The following TENT2 variants were observed in gnomAD, a reference collection of about 807,000 sequenced individuals.
The protein encoded by TENT2 is poly(A) RNA polymerase GLD2.
In TENT2, 44 loss-of-function variants were observed where a neutral mutation model predicts 72.2. The ratio of observed to expected loss-of-function variants is 0.61; its 90% CI spans 0.48 to 0.78. The LOEUF (loss-of-function observed/expected upper bound fraction) is 0.78, where lower values mean the gene tolerates loss of function less well. TENT2 is among the 30% of genes least tolerant of loss of function. The pLI is 0.00. For missense variants in TENT2, 541 were observed against 569.6 expected, an observed-to-expected ratio of 0.95 and a Z score of 0.51; for synonymous variants, 212 against 192.5, an observed-to-expected ratio of 1.10 and a Z score of -0.84.
chr5:79,645,129 A>G lies in TENT2; in HGVS notation c.758A>G (p.Tyr253Cys), dbSNP rs1026600347. The change falls in exon 8 of 15, where the codon TAC becomes TGC. Residue 253 changes from tyrosine (Y) to cysteine (C), a missense_variant. Physicochemically the swap from Tyr to Cys is radical, Grantham distance 194. Transcript: ENST00000453514. ...ATTATCTTTTGTCTTTCAGCGGGCTACATTGAGAGACCTCAGCTGATTCGA... is the reference window on the plus strand; with the variant it reads ...ATTATCTTTTGTCTTTCAGCGGGCTGCATTGAGAGACCTCAGCTGATTCGA... ...HKHFCTRLSG[Y>C]IERPQLIRAK... 3 of 1,602,688 alleles carry G rather than the reference A, an allele frequency of 1.9e-6. No individual in the cohort carries two copies. The highest frequency in any genetic ancestry group is 1.7e-5 in the Admixed American group (1 of 58,030).
chr5:79,637,901 G>T (rs143967208), intron 4 of TENT2, among the ~76,000 whole-genome samples: 1 of 150,972 alleles, frequency 6.6e-6, no homozygotes, highest in African/African-American at 2.4e-5. Flanking sequence ...GGGTTCAGGT[G>T]ATTCTCTTGC....
intron 12 of TENT2, among the ~76,000 whole-genome samples, chr5:79,672,806 T>C (rs1814025770): frequency 6.6e-6 from 1 of 152,226 alleles, no homozygotes; most frequent in African/African-American, 2.4e-5. Flanking sequence ...TGATTTTCTT[T>C]CATTTGGGTA....
chr5:79,627,467 T>G (rs1322266574), intron 4 of TENT2, among the ~76,000 whole-genome samples: 1 of 152,168 alleles, frequency 6.6e-6, no homozygotes, highest in African/African-American at 2.4e-5. Context: ...GGCTAAAGAT[T>G]GTGTAATTGA....
chr5:79,672,784 T>G (rs72768835), intron 12 of TENT2, among the ~76,000 whole-genome samples: 1 of 152,196 alleles, frequency 6.6e-6, no homozygotes, highest in Non-Finnish European at 1.5e-5. Flanking sequence ...TGCAGATATG[T>G]CTTCAGTATC....
In TENT2 at chr5:79,686,393, T is replaced by A. The variant is rs924093209; in HGVS notation, c.*1120T>A. 5.9e-5 allele frequency: 9 copies of A among 152,150 alleles called. No individual in the cohort carries two copies. The highest frequency in any genetic ancestry group is 1.2e-4 in the Non-Finnish European group (8 of 68,006). 9.4% of individuals were successfully genotyped at this position (152,150 alleles called of 1,614,324 possible). On this transcript the variant is annotated 3_prime_UTR_variant, in exon 15 of 15. Transcript: ENST00000453514. ...TTGATTTATGTAAATATTTGTAAAT[T>A]GGTCAGTGCCTGTAAATTTAAATAT...
intron 11 of TENT2, among the ~76,000 whole-genome samples, chr5:79,663,665 C>G (rs557378223): frequency 6.6e-6 from 1 of 152,266 alleles, no homozygotes; most frequent in East Asian, 1.9e-4. Flanking sequence ...AAAACAATTA[C>G]AGTAGTAACA....
chr5:79,658,786 C>T (rs1388017217), intron 11 of TENT2, among the ~76,000 whole-genome samples: 2 of 152,122 alleles, frequency 1.3e-5, no homozygotes, highest in Non-Finnish European at 2.9e-5. Flanking sequence ...TGGTTGGGGT[C>T]AGAGGGAATG....
intron 4 of TENT2, among the ~76,000 whole-genome samples, chr5:79,639,061 T>G (rs1456631279): frequency 6.6e-6 from 1 of 152,050 alleles, no homozygotes; most frequent in African/African-American, 2.4e-5. Flanking sequence ...GGTAGACGTG[T>G]TTGTGCCCTT....
chr5:79,623,648 T>C, intron 4 of TENT2, 159 bp downstream of exon 4: 1 of 443,464 alleles, frequency 2.3e-6, no homozygotes, highest in Admixed American at 4.0e-5. Flanking sequence ...AACATTACTT[T>C]GATTTTTGTT....
At chr5:79,632,948 G>C (rs1776715788) in intron 4 of TENT2, among the ~76,000 whole-genome samples, 1 of 152,150 alleles carries the variant, frequency 6.6e-6, no homozygotes, top group South Asian at 2.1e-4. Context: ...TCAGACTTCA[G>C]GGGGAAAACA....
At chr5:79,669,153 C>A in intron 12 of TENT2, 125 bp downstream of exon 12, 1 of 1,198,354 alleles carries the variant, frequency 8.3e-7, no homozygotes, top group South Asian at 1.9e-5. Flanking sequence ...TTTGTCACTT[C>A]CAGTGTTGTA....
chr5:79,627,294 A>T (rs760819788), intron 4 of TENT2, among the ~76,000 whole-genome samples: 1 of 152,140 alleles, frequency 6.6e-6, no homozygotes, highest in Non-Finnish European at 1.5e-5. Flanking sequence ...AGTTCTGCAT[A>T]TGGAGTAGGC....
intron 4 of TENT2, among the ~76,000 whole-genome samples, chr5:79,639,012 A>G (rs553034291): frequency 2.6e-5 from 4 of 152,264 alleles, no homozygotes; most frequent in African/African-American, 9.6e-5. Context: ...AGTCCTAGAG[A>G]GGGAGAGATT....
At chr5:79,656,017 A>G (rs1170892499) in intron 10 of TENT2, among the ~76,000 whole-genome samples, 2 of 151,956 alleles carry the variant, frequency 1.3e-5, no homozygotes, top group African/African-American at 4.8e-5. Flanking sequence ...ATCATACATT[A>G]AAAGTGAATT....
At chr5:79,648,951 A>C in intron 9 of TENT2, 111 bp from the exon 10 acceptor site, 2 of 1,203,344 alleles carry the variant, frequency 1.7e-6, no homozygotes, top group Non-Finnish European at 2.3e-6. Flanking sequence ...CACAGTGTTT[A>C]ATATACACGG....
chr5:79,677,027 G>A (rs544121367), intron 12 of TENT2, among the ~76,000 whole-genome samples: 5 of 152,230 alleles, frequency 3.3e-5, no homozygotes, highest in East Asian at 1.9e-4. Flanking sequence ...TTGTGCCACC[G>A]TACCCCAGCC....
intron 3 of TENT2, 145 bp from the exon 4 acceptor site, chr5:79,623,107 A>G (rs1055532228): frequency 2.6e-5 from 14 of 533,716 alleles, no homozygotes; most frequent in African/African-American, 3.9e-5. Flanking sequence ...AATATTTTTA[A>G]GATCCATATA....
intron 11 of TENT2, among the ~76,000 whole-genome samples, chr5:79,659,590 AT>A (rs1489993289): frequency 2.1e-4 from 28 of 130,680 alleles, no homozygotes; most frequent in African/African-American, 7.6e-4. Flanking sequence ...ATATATATAT[AT>A]ATAATAGCCA....
chr5:79,629,019 T>C (rs1227709589), intron 4 of TENT2, among the ~76,000 whole-genome samples: 1 of 152,176 alleles, frequency 6.6e-6, no homozygotes, highest in Non-Finnish European at 1.5e-5. Flanking sequence ...TCAGTGAGGC[T>C]GCTGTTAAGG....
Sources: gnomAD v4.1 joint callset for allele counts (sites outside exome capture counted in the v4.1 genomes callset) on GRCh38, gnomAD v4.1.1 for gene constraint, MANE v1.5 for transcripts, NCBI Gene and HGNC (gene_info 2026-07-23, HGNC 2026-07-21) for gene names.